Variants in VPS13A observed in about 807,000 individuals in gnomAD.
The protein encoded by VPS13A is vacuolar protein sorting 13 homolog A, also known as intermembrane lipid transfer protein VPS13A.
Under a neutral mutation model 390.9 loss-of-function variants are expected in VPS13A, and 264 were observed. The observed-to-expected ratio is 0.68, with a 90% CI of 0.61 to 0.75. The LOEUF is 0.75. Ranked by LOEUF, VPS13A falls within the 30% of genes least tolerant of loss-of-function variation. VPS13A has a pLI of 0.00. For synonymous variants in VPS13A, 1,231 were observed against 1,227.1 expected (o/e 1.00, Z -0.07); for missense variants, 3,409 against 3,733.9 (o/e 0.91, Z 2.27).
At chr9:77,246,913 T>A (rs1052809500) in intron 19 of VPS13A, among the ~76,000 whole-genome samples, 2 of 152,154 alleles carry the variant, frequency 1.3e-5, no homozygotes, top group Non-Finnish European at 2.9e-5. Flanking sequence ...AGTTTATGAA[T>A]TGAGAAGTAT....
At chr9:77,204,262 A>G (rs1825504968) in intron 3 of VPS13A, among the ~76,000 whole-genome samples, 1 of 152,180 alleles carries the variant, frequency 6.6e-6, no homozygotes, top group Admixed American at 6.5e-5. Flanking sequence ...CACTCATACC[A>G]TTTAAACAAT....
At chr9:77,376,403 G>A (rs1833080073) in intron 67 of VPS13A, among the ~76,000 whole-genome samples, 1 of 152,106 alleles carries the variant, frequency 6.6e-6, no homozygotes, top group Non-Finnish European at 1.5e-5. Flanking sequence ...AGGGGATTAG[G>A]GCAGAAACAA....
Position 77,340,183 on chromosome 9 carries a change from A to G in VPS13A, c.6780A>G (p.Gln2260=), listed in dbSNP as rs773549367. Reference sequence around the variant, plus strand: ...TTGGAATATTTTTTTCCTAGGTTCAACTTATGGTAACTGATAGTGAGTTGT... The same window carrying G: ...TTGGAATATTTTTTTCCTAGGTTCAGCTTATGGTAACTGATAGTGAGTTGT... The part of the protein sequence containing the change: ...PNHFFNNNKV[Q]LMVTDSELSN... The change falls in exon 49 of 72, where the codon CAA becomes CAG. Residue 2260 remains glutamine (Q), a synonymous_variant. Coordinates refer to ENST00000360280, the MANE Select transcript of VPS13A (RefSeq NM_033305.3). The G allele has an allele frequency of 6.8e-6, 11 of 1,612,874 alleles. No individual in the cohort carries two copies. In the African/African-American group the frequency reaches 9.3e-5, roughly 14 times the overall value.
rs1355407158 is a variant in VPS13A at position 77,302,590 on chromosome 9, C to T, written c.3813-325C>T. The stretch of plus-strand genomic sequence containing the variant: ...GTTTCACCATGTTGGCCAGGCTGGT[C>T]TCAAACTCCTAACCTCAAGTGATCT... On this transcript the variant is annotated intron_variant, in intron 33 of 71. Transcript: ENST00000360280. Among the ~76,000 whole-genome samples, 4 of 151,894 alleles carry T rather than the reference C, an allele frequency of 2.6e-5. No homozygotes were observed. In the East Asian group the frequency reaches 5.8e-4, roughly 22 times the overall value.
At chr9:77,225,360 C>G (rs143719951) in intron 13 of VPS13A, among the ~76,000 whole-genome samples, 1 of 152,140 alleles carries the variant, frequency 6.6e-6, no homozygotes, top group Non-Finnish European at 1.5e-5. Context: ...AAGCTGTCCT[C>G]TCATCTCAGC....
rs765101018 is a variant in VPS13A, at chr9:77,275,605, T to C, written c.2620T>C (p.Cys874Arg). 5 of 1,613,698 alleles carry C rather than the reference T, an allele frequency of 3.1e-6. No individual in the cohort carries two copies. In the East Asian group the frequency reaches 1.1e-4, roughly 36 times the overall value. ...AACCAGAAAGTTACAAAAGCAGGAT[T>C]GTTCAGTAAATATGACTACATTTAA... is the stretch of plus-strand genomic sequence containing the variant. ...IRTRKLQKQD[C>R]SVNMTTFKIR... is the part of the protein sequence containing the mutation. Residue 874 changes from cysteine (C) to arginine (R), a missense_variant, in exon 25 of 72, where the codon TGT becomes CGT. Around this residue, in one of 5 missense-constraint regions of VPS13A, gnomAD observed 2,717 missense variants for 2,917.4 expected, o/e 0.93. Coordinates refer to ENST00000360280, the MANE Select transcript of VPS13A (RefSeq NM_033305.3).
intron 68 of VPS13A, chr9:77,384,811 A>G: frequency 1.3e-6 from 2 of 1,483,186 alleles, no homozygotes; most frequent in Non-Finnish European, 1.8e-6. Context: ...TTTCCTACAC[A>G]TTTTCATAAA....
At chr9:77,306,918 T>A (rs1023429583) in intron 34 of VPS13A, among the ~76,000 whole-genome samples, 2 of 151,058 alleles carry the variant, frequency 1.3e-5, no homozygotes, top group African/African-American at 4.9e-5. Context: ...TTATTTTTTT[T>A]TTTTTTTTTT....
intron 48 of VPS13A, 101 bp from the exon 49 acceptor site, chr9:77,340,077 C>T: frequency 1.5e-6 from 2 of 1,354,078 alleles, no homozygotes; most frequent in East Asian, 2.4e-5. Context: ...AGTGCATTAA[C>T]AATATAATAT....
rs187077246 is a variant in VPS13A, at chr9:77,301,422, G to T, written c.3813-1493G>T. Among the ~76,000 whole-genome samples, 19 of 152,256 alleles carry T rather than the reference G, an allele frequency of 1.2e-4. No individual in the cohort carries two copies. In the Middle Eastern group the frequency reaches 0.01, roughly 82 times the overall value. On this transcript the variant is annotated intron_variant, in intron 33 of 71. Coordinates refer to ENST00000360280, the MANE Select transcript of VPS13A (RefSeq NM_033305.3). ...CCTTAACCTATTACCATTAAGCGGA[G>T]ACTGCAAGCATGCAGGCATATGTAA...
At chr9:77,382,272 T>G in intron 68 of VPS13A, 185 bp downstream of exon 68, 1 of 1,511,274 alleles carries the variant, frequency 6.6e-7, no homozygotes, top group Non-Finnish European at 8.8e-7. Flanking sequence ...TTTTTTCTTT[T>G]TTACAGGCAT....
intron 67 of VPS13A, among the ~76,000 whole-genome samples, chr9:77,378,670 A>AT (rs1263371737): frequency 1.3e-5 from 2 of 150,296 alleles, no homozygotes; most frequent in Non-Finnish European, 3.0e-5. Context: ...CATTGATTCT[A>AT]TTTTTTCTAT....
At chr9:77,306,137 C>A (rs535398093) in intron 34 of VPS13A, among the ~76,000 whole-genome samples, 16 of 152,036 alleles carry the variant, frequency 1.1e-4, no homozygotes, top group African/African-American at 3.1e-4. Context: ...TTAAAAAAAA[C>A]CCCAAACATT....
intron 68 of VPS13A, among the ~76,000 whole-genome samples, chr9:77,396,915 T>C (rs753345466): frequency 6.6e-6 from 1 of 152,256 alleles, no homozygotes; most frequent in Non-Finnish European, 1.5e-5. Flanking sequence ...AATTAACCAG[T>C]CTATAAAACC....
chr9:77,382,136 A>AT (rs757966581), intron 68 of VPS13A, 49 bp downstream of exon 68: 63 of 1,496,912 alleles, frequency 4.2e-5, no homozygotes, highest in Middle Eastern at 1.8e-4. Flanking sequence ...GTCAAGTTAG[A>AT]TTTTTTTTAA....
chr9:77,296,684 C>T (rs7025340), intron 33 of VPS13A, among the ~76,000 whole-genome samples: 11,820 of 152,060 alleles, frequency 0.078, 575 homozygotes, highest in East Asian at 0.12. Flanking sequence ...AATGTTATAC[C>T]ATTTTATAAG....
chr9:77,379,065 CTTTTTTT>C (rs71503211), intron 67 of VPS13A, among the ~76,000 whole-genome samples: 9 of 72,366 alleles, frequency 1.2e-4, no homozygotes, highest in African/African-American at 5.4e-4. Flanking sequence ...ATTTTCAGTC[CTTTTTTT>C]TTTTTTTTTT....
intron 33 of VPS13A, among the ~76,000 whole-genome samples, chr9:77,302,367 C>CTTTT (rs750574896): frequency 0.012 from 1,644 of 135,222 alleles, 46 homozygotes; most frequent in South Asian, 0.019. Flanking sequence ...ATATTTTTCC[C>CTTTT]CTTTTTTTTT....
At position 77,199,933 on chromosome 9, in the gene VPS13A, A is replaced by T. The variant is rs1470521910; in HGVS notation, c.101-12A>T. Reference sequence around the variant, plus strand: ...ATTTGATTGTTTGAATCTTTTTTTTAATCTTTTTTAGGAGCTGTGGCCCTC... The same window carrying T: ...ATTTGATTGTTTGAATCTTTTTTTTTATCTTTTTTAGGAGCTGTGGCCCTC... On this transcript the variant is annotated splice_polypyrimidine_tract_variant and intron_variant, in intron 1 of 71. Coordinates refer to ENST00000360280, the MANE Select transcript of VPS13A (RefSeq NM_033305.3). 6.3e-7 allele frequency: 1 copy of T among 1,595,642 alleles called. No individual in the cohort carries two copies. The highest frequency in any genetic ancestry group is 1.8e-4 in the Middle Eastern group (1 of 5,548).
Sources: gnomAD v4.1 joint callset for allele counts (sites outside exome capture counted in the v4.1 genomes callset) on GRCh38, gnomAD v4.1.1 for gene constraint, gnomAD v4.1.1 regional missense constraint, MANE v1.5 for transcripts, NCBI Gene and HGNC (gene_info 2026-07-23, HGNC 2026-07-21) for gene names.